Variants in PGCKA1 observed in about 807,000 individuals in gnomAD.
PGCKA1 encodes the protein PDCD10 and GCKIII kinases-associated protein 1.
At chr4:37,518,547 C>T in the PGCKA1 span, among the ~76,000 whole-genome samples, 1 of 152,178 alleles carries the variant, frequency 6.6e-6, no homozygotes, top group Non-Finnish European at 1.5e-5. Context: ...TCTTCATATG[C>T]CTATTTGCCA....
At chr4:37,500,244 TGTAA>T in the PGCKA1 span, among the ~76,000 whole-genome samples, 2 of 152,214 alleles carry the variant, frequency 1.3e-5, no homozygotes, top group African/African-American at 2.4e-5. Flanking sequence ...AACTTTTTGA[TGTAA>T]GTGTTTAGTG....
the PGCKA1 span, among the ~76,000 whole-genome samples, chr4:37,482,996 C>G: frequency 6.6e-6 from 1 of 151,984 alleles, no homozygotes; most frequent in Admixed American, 6.6e-5. Context: ...TGGCTGTGTC[C>G]CCACCCAAAT....
chr4:37,557,262 T>A, the PGCKA1 span, among the ~76,000 whole-genome samples: 1 of 152,264 alleles, frequency 6.6e-6, no homozygotes, highest in South Asian at 2.1e-4. Context: ...TTTTTGTTGT[T>A]GTTTTGTTTT....
the PGCKA1 span, among the ~76,000 whole-genome samples, chr4:37,531,001 G>GA: frequency 7.8e-3 from 1,176 of 149,988 alleles, 24 homozygotes; most frequent in African/African-American, 0.027. Context: ...AAAGAAAAGG[G>GA]AAAAAAAAAC....
At chr4:37,525,750 A>G in the PGCKA1 span, among the ~76,000 whole-genome samples, 1 of 152,186 alleles carries the variant, frequency 6.6e-6, no homozygotes, top group African/African-American at 2.4e-5. Context: ...GCTTCACTCG[A>G]TGACTATTCC....
At chr4:37,476,135 A>G in the PGCKA1 span, among the ~76,000 whole-genome samples, 3 of 152,106 alleles carry the variant, frequency 2.0e-5, no homozygotes, top group Admixed American at 1.3e-4. Context: ...CTGTATTAGG[A>G]TAATATGATC....
At chr4:37,541,376 C>T in the PGCKA1 span, among the ~76,000 whole-genome samples, 12 of 152,244 alleles carry the variant, frequency 7.9e-5, no homozygotes, top group Admixed American at 7.8e-4. Context: ...TGCCCTTTTC[C>T]CTTCTTCTCT....
the PGCKA1 span, among the ~76,000 whole-genome samples, chr4:37,523,106 C>CA: frequency 6.6e-6 from 1 of 152,168 alleles, no homozygotes; most frequent in Non-Finnish European, 1.5e-5. Context: ...CTGGGAGACA[C>CA]AGAGCACTTT....
the PGCKA1 span, among the ~76,000 whole-genome samples, chr4:37,464,269 A>G: frequency 1.1e-4 from 17 of 152,188 alleles, 1 homozygote; most frequent in Admixed American, 9.8e-4. Flanking sequence ...GCTGCCCCAG[A>G]AGAGACGGTA....
the PGCKA1 span, among the ~76,000 whole-genome samples, chr4:37,532,882 G>A: frequency 2.4e-5 from 3 of 124,802 alleles, no homozygotes; most frequent in South Asian, 8.6e-4. Context: ...GAAATGTCAT[G>A]CATTTTTGTA....
At chr4:37,582,649 G>T in the PGCKA1 span, among the ~76,000 whole-genome samples, 13 of 152,182 alleles carry the variant, frequency 8.5e-5, no homozygotes, top group Admixed American at 3.3e-4. Flanking sequence ...CTCAGAGTAT[G>T]CTCTTTTGTC....
chr4:37,455,119 G>A, the PGCKA1 span, among the ~76,000 whole-genome samples: 2 of 152,192 alleles, frequency 1.3e-5, no homozygotes, highest in African/African-American at 4.8e-5. Flanking sequence ...AGAAGCATTT[G>A]AGAGTTGAAT....
At chr4:37,494,972 G>A in the PGCKA1 span, among the ~76,000 whole-genome samples, 1 of 151,470 alleles carries the variant, frequency 6.6e-6, no homozygotes, top group Non-Finnish European at 1.5e-5. Flanking sequence ...GAAAATTTTT[G>A]CAATCTATCG....
chr4:37,468,466 G>A, the PGCKA1 span, among the ~76,000 whole-genome samples: 1 of 152,204 alleles, frequency 6.6e-6, no homozygotes, highest in African/African-American at 2.4e-5. Flanking sequence ...AAAGGGCTGT[G>A]TTAGGATCTC....
At chr4:37,589,041 G>C in the PGCKA1 span, 1 of 579,814 alleles carries the variant, frequency 1.7e-6, no homozygotes. Flanking sequence ...GTTTGGAATT[G>C]TTATAATATC....
the PGCKA1 span, among the ~76,000 whole-genome samples, chr4:37,546,526 G>A: frequency 1.9e-3 from 295 of 152,354 alleles, 1 homozygote; most frequent in African/African-American, 6.7e-3. Flanking sequence ...CTTTAGTGTT[G>A]CAAGCCCTTA....
chr4:37,587,372 C>A, the PGCKA1 span, among the ~76,000 whole-genome samples: 1 of 152,040 alleles, frequency 6.6e-6, no homozygotes, highest in Non-Finnish European at 1.5e-5. Flanking sequence ...ATGTGGATAT[C>A]TTTGGGGGCC....
At chr4:37,567,568 A>G in the PGCKA1 span, among the ~76,000 whole-genome samples, 1 of 152,204 alleles carries the variant, frequency 6.6e-6, no homozygotes, top group African/African-American at 2.4e-5. Flanking sequence ...TCACTCGCTT[A>G]ACCACTCTGC....
At chr4:37,590,104 G>T in the PGCKA1 span, 2 of 1,613,230 alleles carry the variant, frequency 1.2e-6, no homozygotes, top group South Asian at 2.2e-5. Flanking sequence ...CTTTGATCCA[G>T]TTCAAGTGCC....
Sources: gnomAD v4.1 joint callset for allele counts (sites outside exome capture counted in the v4.1 genomes callset) on GRCh38, gnomAD v4.1.1 for gene constraint, MANE v1.5 for transcripts, NCBI Gene and HGNC (gene_info 2026-07-23, HGNC 2026-07-21) for gene names.